Variants in TEX14 observed in about 807,000 individuals in gnomAD.
TEX14 encodes inactive serine/threonine-protein kinase TEX14.
In TEX14, 168 loss-of-function variants were observed where a neutral mutation model predicts 178.6. That is an observed-to-expected ratio of 0.94 (90% confidence interval 0.83 to 1.07). TEX14 has a LOEUF of 1.07. TEX14 is among the 50% of genes least tolerant of loss of function. TEX14 has a pLI of 0.00. For synonymous variants in TEX14, 626 were observed against 634.1 expected, an observed-to-expected ratio of 0.99 and a Z score of 0.19; for missense variants, 1,730 against 1,753.6, an observed-to-expected ratio of 0.99 and a Z score of 0.24.
chr17:58,689,735 C>T (rs374684199), intron 1 of TEX14, among the ~76,000 whole-genome samples: 5 of 151,998 alleles, frequency 3.3e-5, no homozygotes, highest in South Asian at 2.1e-4. Context: ...GTTCCTAGTG[C>T]GTGGTTTCAA....
At chr17:58,661,071 T>C (rs184964857) in intron 1 of TEX14, 23 of 1,088,748 alleles carry the variant, frequency 2.1e-5, no homozygotes, top group South Asian at 9.9e-5. Context: ...GCAGATTTCA[T>C]TGTAGACAAC....
intron 20 of TEX14, among the ~76,000 whole-genome samples, chr17:58,577,767 T>C (rs1345699068): frequency 2.0e-5 from 3 of 152,226 alleles, no homozygotes; most frequent in Non-Finnish European, 2.9e-5. Context: ...TTTGTCTTTT[T>C]AAGAAGGCAA....
At chr17:58,579,599 C>A in intron 20 of TEX14, 66 bp downstream of exon 20, 1 of 1,382,530 alleles carries the variant, frequency 7.2e-7, no homozygotes, top group Non-Finnish European at 1.0e-6. Context: ...CTCTAAACAT[C>A]TGTGATCCAA....
At chr17:58,606,836 T>G (rs1400950165) in intron 10 of TEX14, among the ~76,000 whole-genome samples, 1 of 151,678 alleles carries the variant, frequency 6.6e-6, no homozygotes, top group South Asian at 2.1e-4. Flanking sequence ...AAGACCAGCC[T>G]GGCCAACATG....
intron 15 of TEX14, among the ~76,000 whole-genome samples, chr17:58,590,556 T>TTGC (rs1010514763): frequency 1.3e-5 from 2 of 151,898 alleles, no homozygotes; most frequent in African/African-American, 4.8e-5. Flanking sequence ...GTTGTTGTTG[T>TTGC]TGTTGTTGTT....
In TEX14 at chr17:58,651,985, C is replaced by A; in HGVS notation, c.17G>T (p.Arg6Leu). 6.3e-7 allele frequency: 1 copy of A among 1,592,626 alleles called. No individual in the cohort carries two copies. The highest frequency in any genetic ancestry group is 8.5e-7 in the Non-Finnish European group (1 of 1,172,350). Residue 6 changes from arginine (R) to leucine (L), a missense_variant, in exon 2 of 32, where the codon CGT (arginine) becomes CTT (leucine). Coordinates refer to ENST00000349033, the MANE Select transcript of TEX14 (RefSeq NM_031272.5). MSRAVRLPVPCPVQLG... is the reference protein window; with the variant it reads MSRAVLLPVPCPVQLG... ...TTGAACAGGACAGGGGACTGGAAGACGAACAGCCCGAGACATCCTGTTCCA... is the reference window on the plus strand; with the variant it reads ...TTGAACAGGACAGGGGACTGGAAGAAGAACAGCCCGAGACATCCTGTTCCA...
intron 8 of TEX14, among the ~76,000 whole-genome samples, chr17:58,613,922 C>T (rs1224309752): frequency 6.6e-6 from 1 of 152,094 alleles, no homozygotes; most frequent in Non-Finnish European, 1.5e-5. Context: ...CCGCCTTGGC[C>T]TCCCAAAGTG....
chr17:58,615,945 G>C (rs1252264551), intron 7 of TEX14, among the ~76,000 whole-genome samples: 1 of 152,190 alleles, frequency 6.6e-6, no homozygotes, highest in East Asian at 1.9e-4. Context: ...CTAGTGGGTA[G>C]AGACCAGGGA....
chr17:58,654,480 T>C (rs1032993018), intron 1 of TEX14, among the ~76,000 whole-genome samples: 3 of 148,950 alleles, frequency 2.0e-5, no homozygotes, highest in Admixed American at 6.7e-5. Flanking sequence ...TATAGAAGCT[T>C]TGGAAAAAAA....
intron 29 of TEX14, among the ~76,000 whole-genome samples, chr17:58,560,743 C>CT (rs1444186960): frequency 6.6e-6 from 1 of 152,234 alleles, no homozygotes; most frequent in African/African-American, 2.4e-5. Context: ...TAGCCACACT[C>CT]TTGTGTTTGT....
At chr17:58,574,675 CAAAAAAAAA>C (rs1177255314) in intron 21 of TEX14, among the ~76,000 whole-genome samples, 4 of 43,890 alleles carry the variant, frequency 9.1e-5, no homozygotes, top group Non-Finnish European at 1.6e-4. Context: ...ACTCCATCTC[CAAAAAAAAA>C]AAAAAAAAAA....
intron 1 of TEX14, among the ~76,000 whole-genome samples, chr17:58,667,948 G>T (rs1483169823): frequency 6.6e-6 from 1 of 151,798 alleles, no homozygotes; most frequent in African/African-American, 2.4e-5. Context: ...CCTTATTCAG[G>T]CTTCTGAACC....
intron 8 of TEX14, among the ~76,000 whole-genome samples, chr17:58,614,654 C>T (rs911943590): frequency 6.6e-6 from 1 of 152,362 alleles, no homozygotes; most frequent in East Asian, 1.9e-4. Flanking sequence ...GGCCTCTCTA[C>T]ATGCCTCCTG....
intron 14 of TEX14, among the ~76,000 whole-genome samples, chr17:58,597,030 C>T (rs973156740): frequency 2.0e-5 from 3 of 152,182 alleles, no homozygotes; most frequent in Non-Finnish European, 4.4e-5. Flanking sequence ...CTGCCCCTAA[C>T]CAACTTGGCC....
intron 28 of TEX14, among the ~76,000 whole-genome samples, chr17:58,563,209 T>C (rs2044307488): frequency 6.6e-6 from 1 of 152,010 alleles, no homozygotes; most frequent in Non-Finnish European, 1.5e-5. Flanking sequence ...TAATGATAGT[T>C]CAAGAGAAGT....
chr17:58,681,679 G>T (rs1163606118), intron 1 of TEX14, among the ~76,000 whole-genome samples: 2 of 151,880 alleles, frequency 1.3e-5, no homozygotes, highest in Non-Finnish European at 2.9e-5. Flanking sequence ...GTGAAACCTT[G>T]TCTCTACTAA....
rs1345052821 is a variant in TEX14, at chr17:58,557,193, A to G, written c.4320-146T>C. The G allele has an allele frequency of 5.8e-6, 4 of 685,478 alleles. No homozygotes were observed. In the Admixed American group the frequency reaches 9.2e-5, roughly 16 times the overall value. 42.5% of individuals were successfully genotyped at this position (685,478 alleles called of 1,614,324 possible). A position where few individuals can be genotyped will look rare whatever the true frequency, so the allele number is the denominator to read the frequency against. ...TTTATAATCAAGGGCGATTATAACC[A>G]ACAGTGTGTCATGGAAATGCAAAAT... On this transcript the variant is annotated intron_variant, in intron 31 of 31. Coordinates refer to ENST00000349033, the MANE Select transcript of TEX14 (RefSeq NM_031272.5).
intron 1 of TEX14, chr17:58,677,700 C>T (rs1439319387): frequency 1.4e-5 from 2 of 143,822 alleles, no homozygotes; most frequent in African/African-American, 2.7e-5. Context: ...GGGAAAACCA[C>T]CTTTGTGGTC....
intron 3 of TEX14, among the ~76,000 whole-genome samples, chr17:58,625,014 C>G (rs1288213712): frequency 6.6e-5 from 10 of 152,314 alleles, no homozygotes; most frequent in Admixed American, 6.5e-4. Context: ...TAGGCTCTCT[C>G]CCACTGCTGG....
Sources: gnomAD v4.1 joint callset for allele counts (sites outside exome capture counted in the v4.1 genomes callset) on GRCh38, gnomAD v4.1.1 for gene constraint, MANE v1.5 for transcripts, NCBI Gene and HGNC (gene_info 2026-07-23, HGNC 2026-07-21) for gene names.